INPP4A: variants seen among roughly 807,000 people sequenced by gnomAD.
INPP4A encodes the protein inositol polyphosphate-4-phosphatase type I A.
Under a neutral mutation model 119.8 loss-of-function variants are expected in INPP4A, and 33 were observed. That is an observed-to-expected ratio of 0.28 (90% confidence interval 0.21 to 0.37). The LOEUF is 0.37. Among genes scored for constraint, INPP4A ranks in the 10% least tolerant of loss-of-function variants. The probability of loss-of-function intolerance (pLI) is 1.00; values close to 1 mark genes in which losing one functional copy is unlikely to be tolerated. For missense variants in INPP4A, 956 were observed against 1,289.9 expected (o/e 0.74, Z 3.97); for synonymous variants, 496 against 500.7 (o/e 0.99, Z 0.12).
At chr2:98,533,790 A>C (rs944470739) in intron 5 of INPP4A, among the ~76,000 whole-genome samples, 3 of 152,070 alleles carry the variant, frequency 2.0e-5, no homozygotes, top group Admixed American at 6.5e-5. Context: ...CCTTCTTGTC[A>C]CCTCCAATTG....
chr2:98,533,327 T>C (rs760405571), intron 4 of INPP4A, 50 bp from the exon 5 acceptor site: 1 of 1,181,168 alleles, frequency 8.5e-7, no homozygotes, highest in East Asian at 2.3e-5. Flanking sequence ...AGAAAACTAA[T>C]CAGAGTCTGG....
chr2:98,458,526 A>C (rs1219510594), intron 1 of INPP4A, among the ~76,000 whole-genome samples: 1 of 152,090 alleles, frequency 6.6e-6, no homozygotes, highest in East Asian at 1.9e-4. Context: ...TCTCCATAAA[A>C]ACATTCAGAT....
intron 4 of INPP4A, among the ~76,000 whole-genome samples, chr2:98,531,340 C>G (rs6749575): frequency 0.031 from 4,743 of 151,360 alleles, 270 homozygotes; most frequent in African/African-American, 0.11. Flanking sequence ...TTTCAAGAAG[C>G]AAATTTACAA....
chr2:98,548,638 A>T (rs1692920571), intron 13 of INPP4A, among the ~76,000 whole-genome samples: 1 of 152,174 alleles, frequency 6.6e-6, no homozygotes, highest in Admixed American at 6.5e-5. Flanking sequence ...TCAAATATAT[A>T]AGTTTCTATT....
intron 1 of INPP4A, among the ~76,000 whole-genome samples, chr2:98,492,295 A>C (rs1370608057): frequency 6.6e-6 from 1 of 152,140 alleles, no homozygotes; most frequent in East Asian, 1.9e-4. Flanking sequence ...AAAGTCGAAA[A>C]ATCATTGAAC....
intron 1 of INPP4A, among the ~76,000 whole-genome samples, chr2:98,477,377 A>AG (rs1480788899): frequency 6.6e-6 from 1 of 152,206 alleles, no homozygotes; most frequent in Middle Eastern, 3.2e-3. Flanking sequence ...CCTGCCTGGT[A>AG]GGGAAACCAT....
rs907581188 is a variant in INPP4A, at chr2:98,509,346, G to A, written c.-165-9618G>A. 7.9e-5 allele frequency among the ~76,000 whole-genome samples: 12 copies of A among 152,304 alleles called. No homozygotes were observed. In the East Asian group the frequency reaches 1.4e-3, roughly 17 times the overall value. On this transcript the variant is annotated intron_variant, in intron 1 of 24. Transcript: ENST00000409851. ...CAATCAGCGGTGGCATTAGATTCTCGTAGGAGCACAAACCCTGTTGTGAAC... is the reference window on the plus strand; with the variant it reads ...CAATCAGCGGTGGCATTAGATTCTCATAGGAGCACAAACCCTGTTGTGAAC...
At chr2:98,582,120 T>C (rs2106543727) in intron 24 of INPP4A, among the ~76,000 whole-genome samples, 1 of 152,378 alleles carries the variant, frequency 6.6e-6, no homozygotes, top group Non-Finnish European at 1.5e-5. Flanking sequence ...AAACGAGTTC[T>C]GTTTAAAGAG....
chr2:98,563,668 A>G lies in INPP4A; in HGVS notation c.2028+31A>G, dbSNP rs773657848. 3 of 1,606,152 alleles carry G rather than the reference A, an allele frequency of 1.9e-6. No individual in the cohort carries two copies. The Admixed American group carries it at 5.1e-5, about 27-fold the overall frequency. On this transcript the variant is annotated intron_variant, in intron 18 of 24. Transcript: ENST00000409851. ...CCCCGGGAGCACCCCGAGGGAGACCACGGGCACCTCTCAGCTCAGAAAAGA... is the reference window on the plus strand; with the variant it reads ...CCCCGGGAGCACCCCGAGGGAGACCGCGGGCACCTCTCAGCTCAGAAAAGA...
In INPP4A at chr2:98,554,249, C is replaced by G; in HGVS notation, c.1348-22C>G. 2 of 1,575,780 alleles carry G rather than the reference C, an allele frequency of 1.3e-6. No individual in the cohort carries two copies. Among genetic ancestry groups the G allele is most frequent in the Non-Finnish European group, 1.7e-6 (2 of 1,160,216 alleles). On this transcript the variant is annotated intron_variant, in intron 14 of 24. Coordinates refer to ENST00000409851, the MANE Select transcript of INPP4A (RefSeq NM_001134225.2). The surrounding 1 kb of genome is among the most constrained non-coding windows in gnomAD (Gnocchi z 4.7). The stretch of plus-strand genomic sequence containing the variant: ...CAGCCCCTGGCCTGGGCTCAGCAGC[C>G]TTGGTTTGTGTGCACCTGCAGACAC...
chr2:98,575,374 G>GT (rs531242943), intron 23 of INPP4A, among the ~76,000 whole-genome samples: 139 of 152,324 alleles, frequency 9.1e-4, no homozygotes, highest in African/African-American at 3.2e-3. Flanking sequence ...GAAACCTATA[G>GT]TTCCAGCTTC....
intron 4 of INPP4A, among the ~76,000 whole-genome samples, chr2:98,525,764 C>G (rs146610688): frequency 8.1e-4 from 124 of 152,294 alleles, no homozygotes; most frequent in African/African-American, 2.8e-3. Context: ...TGCTTAACAG[C>G]ATAAGTCATC....
In INPP4A at chr2:98,466,072, GTC is replaced by G. The variant is rs200081349; in HGVS notation, c.-166+20990_-166+20991del. On this transcript the variant is annotated intron_variant, in intron 1 of 24. Transcript: ENST00000409851. The stretch of plus-strand genomic sequence containing the variant: ...TGTTTTTTTGTTTTTTTGAGATGGA[GTC>G]TCACTCTGTTGCCCAGGCTGGAATG... Among the ~76,000 whole-genome samples, 101 of 152,140 alleles carry G rather than the reference GTC, an allele frequency of 6.6e-4. 2 individuals carry two copies. The East Asian group carries it at 0.01, about 15-fold the overall frequency.
Position 98,539,684 on chromosome 2 carries a change from A to G in INPP4A, c.818+9A>G, listed in dbSNP as rs1470110674. ...GAGGAAGATGCAGCCAGGTGAGGCC[A>G]CATGGAAGGACTGACTGTCCATCAT... is the stretch of plus-strand genomic sequence containing the variant. On this transcript the variant is annotated intron_variant, in intron 10 of 24. Transcript: ENST00000409851. 1.2e-6 allele frequency: 2 copies of G among 1,601,360 alleles called. No homozygotes were observed. The highest frequency in any genetic ancestry group is 1.7e-6 in the Non-Finnish European group (2 of 1,174,966).
chr2:98,482,734 T>C (rs2105068652), intron 1 of INPP4A, among the ~76,000 whole-genome samples: 1 of 152,390 alleles, frequency 6.6e-6, no homozygotes, highest in African/African-American at 2.4e-5. Flanking sequence ...ATATGTGTCC[T>C]CTTGCATTTA....
intron 1 of INPP4A, among the ~76,000 whole-genome samples, chr2:98,491,500 T>C (rs1174622572): frequency 1.3e-5 from 2 of 152,174 alleles, no homozygotes; most frequent in East Asian, 3.8e-4. Context: ...GACAGGAAAA[T>C]TGAAAGCTGA....
chr2:98,515,428 G>A (rs1015817611), intron 1 of INPP4A, among the ~76,000 whole-genome samples: 13 of 151,946 alleles, frequency 8.6e-5, no homozygotes, highest in African/African-American at 2.9e-4. Flanking sequence ...AATAGGCTGT[G>A]GTGGGGTAGG....
At position 98,554,175 on chromosome 2, in the gene INPP4A, C is replaced by A; in HGVS notation, c.1348-96C>A. On this transcript the variant is annotated intron_variant, in intron 14 of 24. Transcript: ENST00000409851. The surrounding 1 kb of genome is among the most constrained non-coding windows in gnomAD (Gnocchi z 4.7). ...TGGAGAAAGGCAGAGGGGTGCAGTG[C>A]TGGGCTTTAAGCCCATTCTCCATTT... 2.2e-6 allele frequency: 2 copies of A among 904,764 alleles called. No homozygotes were observed. The highest frequency in any genetic ancestry group is 3.4e-6 in the Non-Finnish European group (2 of 590,544). 56.0% of individuals were successfully genotyped at this position (904,764 alleles called of 1,614,324 possible).
intron 24 of INPP4A, among the ~76,000 whole-genome samples, chr2:98,578,160 A>C (rs1698736374): frequency 6.6e-6 from 1 of 152,194 alleles, no homozygotes; most frequent in South Asian, 2.1e-4. Context: ...TCAGGGAAGC[A>C]ATGGAGACTC....
Sources: allele counts gnomAD v4.1 joint callset (sites outside exome capture counted in the v4.1 genomes callset), GRCh38; gene constraint gnomAD v4.1.1; non-coding constraint Gnocchi (gnomAD v3.1); transcripts MANE v1.5; gene names NCBI Gene and HGNC (gene_info 2026-07-23, HGNC 2026-07-21).